Variants in MECOM observed in about 807,000 individuals in gnomAD.
The protein encoded by MECOM is histone-lysine N-methyltransferase MECOM.
In MECOM, 13 loss-of-function variants were observed where a neutral mutation model predicts 116.3. The ratio of observed to expected loss-of-function variants is 0.11; its 90% CI spans 0.07 to 0.18. MECOM has a LOEUF of 0.18. Ranked by LOEUF, MECOM falls within the 10% of genes least tolerant of loss-of-function variation. The pLI, the probability that MECOM is intolerant of heterozygous loss-of-function variation, is 1.00. For missense variants in MECOM, 1,299 were observed against 1,509.0 expected (o/e 0.86, Z 2.31); for synonymous variants, 528 against 535.2 (o/e 0.99, Z 0.19).
chr3:169,643,738 A>G (rs1273277302), intron 1 of MECOM, among the ~76,000 whole-genome samples: 2 of 152,204 alleles, frequency 1.3e-5, no homozygotes, highest in African/African-American at 2.4e-5. Context: ...GGTTCAGAAT[A>G]TTGGGTCTAA....
chr3:169,387,083 T>A (rs1301414127), intron 1 of MECOM, among the ~76,000 whole-genome samples: 1 of 152,146 alleles, frequency 6.6e-6, no homozygotes, highest in Non-Finnish European at 1.5e-5. Flanking sequence ...GTATTTCGAT[T>A]TTTTTTAACT....
At chr3:169,335,716 C>T (rs1441283534) in intron 2 of MECOM, among the ~76,000 whole-genome samples, 3 of 151,990 alleles carry the variant, frequency 2.0e-5, no homozygotes, top group Admixed American at 6.6e-5. Context: ...ATTTATGTTT[C>T]TTTTATTTGT....
intron 1 of MECOM, among the ~76,000 whole-genome samples, chr3:169,606,430 G>T: frequency 6.7e-6 from 1 of 150,186 alleles, no homozygotes; most frequent in East Asian, 2.0e-4. Flanking sequence ...AAAAGAAAAA[G>T]AAATGAAAGA....
chr3:169,424,573 G>T (rs755959045), intron 1 of MECOM, among the ~76,000 whole-genome samples: 4 of 152,056 alleles, frequency 2.6e-5, no homozygotes, highest in Non-Finnish European at 5.9e-5. Context: ...CTTCTGAAGG[G>T]TACACAATGT....
At chr3:169,414,293 G>A (rs1207469329) in intron 1 of MECOM, among the ~76,000 whole-genome samples, 1 of 152,032 alleles carries the variant, frequency 6.6e-6, no homozygotes, top group Non-Finnish European at 1.5e-5. Context: ...CTGCAGACGA[G>A]GAGCCTGACT....
At chr3:169,530,105 G>C (rs146444834) in intron 1 of MECOM, among the ~76,000 whole-genome samples, 5 of 151,936 alleles carry the variant, frequency 3.3e-5, no homozygotes, top group Non-Finnish European at 5.9e-5. Flanking sequence ...ATCCAAGGTA[G>C]CACTTAAGGC....
At chr3:169,125,932 G>A (rs1030958825) in intron 5 of MECOM, among the ~76,000 whole-genome samples, 2 of 152,048 alleles carry the variant, frequency 1.3e-5, no homozygotes, top group African/African-American at 4.8e-5. Flanking sequence ...AAAGCATAAA[G>A]TGACAACATA....
chr3:169,663,268 G>T, intron 1 of MECOM, 68 bp downstream of exon 1: 3 of 1,545,764 alleles, frequency 1.9e-6, no homozygotes, highest in South Asian at 1.2e-5. Context: ...CTCCCGGAGC[G>T]CTAGAGACAG....
chr3:169,339,644 A>C (rs1333490777), intron 2 of MECOM, among the ~76,000 whole-genome samples: 1 of 152,150 alleles, frequency 6.6e-6, no homozygotes, highest in Non-Finnish European at 1.5e-5. Flanking sequence ...CAAGATTCCC[A>C]GCTGATGTGT....
At chr3:169,242,912 G>A (rs1245954914) in intron 2 of MECOM, among the ~76,000 whole-genome samples, 5 of 142,900 alleles carry the variant, frequency 3.5e-5, no homozygotes, top group Admixed American at 2.9e-4. Context: ...TAATAATCCC[G>A]TCCCCTCACA....
intron 2 of MECOM, among the ~76,000 whole-genome samples, chr3:169,191,122 A>G (rs944250041): frequency 2.6e-5 from 4 of 151,888 alleles, no homozygotes; most frequent in African/African-American, 9.7e-5. Context: ...AACTTGAGAG[A>G]GCTCTTAAGA....
intron 2 of MECOM, among the ~76,000 whole-genome samples, chr3:169,256,519 G>C (rs71306632): frequency 3.3e-5 from 5 of 152,170 alleles, no homozygotes; most frequent in Non-Finnish European, 7.3e-5. Flanking sequence ...ATTTCTAACA[G>C]TCATTTCAAA....
chr3:169,385,893 C>T (rs1432097383), intron 1 of MECOM, among the ~76,000 whole-genome samples: 1 of 152,102 alleles, frequency 6.6e-6, no homozygotes, highest in African/African-American at 2.4e-5. Flanking sequence ...TCAGTGGTCC[C>T]ATAAAGATAA....
intron 1 of MECOM, among the ~76,000 whole-genome samples, chr3:169,659,030 A>T (rs1286586272): frequency 6.7e-6 from 1 of 149,404 alleles, no homozygotes; most frequent in African/African-American, 2.5e-5. Flanking sequence ...AAACAGTAAC[A>T]TGCTTAAAGA....
intron 1 of MECOM, among the ~76,000 whole-genome samples, chr3:169,493,606 G>C (rs886244708): frequency 3.3e-5 from 5 of 151,500 alleles, no homozygotes; most frequent in African/African-American, 1.2e-4. Context: ...ACATACACTG[G>C]GTGTATATTT....
intron 1 of MECOM, among the ~76,000 whole-genome samples, chr3:169,581,325 A>G (rs1576981801): frequency 1.3e-5 from 2 of 152,136 alleles, no homozygotes; most frequent in Admixed American, 6.5e-5. Context: ...TACTGCTTCC[A>G]TAATCAAAAG....
intron 2 of MECOM, among the ~76,000 whole-genome samples, chr3:169,262,823 T>A (rs1331142249): frequency 6.6e-6 from 1 of 151,758 alleles, no homozygotes; most frequent in Non-Finnish European, 1.5e-5. Context: ...AAAAAATGAA[T>A]TTATTTTGTT....
chr3:169,518,790 G>T (rs1023265846), intron 1 of MECOM, among the ~76,000 whole-genome samples: 2 of 152,084 alleles, frequency 1.3e-5, no homozygotes, highest in Admixed American at 6.5e-5. Flanking sequence ...TCTTTTCTGC[G>T]CTGTTCTCAT....
chr3:169,174,115 T>A (rs1042729691), intron 2 of MECOM, among the ~76,000 whole-genome samples: 1 of 152,206 alleles, frequency 6.6e-6, no homozygotes, highest in African/African-American at 2.4e-5. Flanking sequence ...GATGGCAAAT[T>A]TTCAAACTCC....
Sources: gnomAD v4.1 joint callset for allele counts (sites outside exome capture counted in the v4.1 genomes callset) on GRCh38, gnomAD v4.1.1 for gene constraint, MANE v1.5 for transcripts, NCBI Gene and HGNC (gene_info 2026-07-23, HGNC 2026-07-21) for gene names.